Variants in ANKRD11 observed in about 807,000 individuals in gnomAD.
ANKRD11 encodes the protein ankyrin repeat domain-containing protein 11.
In ANKRD11, 17 loss-of-function variants were observed where a neutral mutation model predicts 195.7. The ratio of observed to expected loss-of-function variants is 0.09; its 90% CI spans 0.06 to 0.13. The LOEUF is 0.13. Ranked by LOEUF, ANKRD11 falls within the 10% of genes least tolerant of loss-of-function variation. ANKRD11 has a pLI of 1.00. For synonymous variants in ANKRD11, 1,953 were observed against 1,528.1 expected (o/e 1.28, Z -6.49); for missense variants, 3,735 against 3,566.1 (o/e 1.05, Z -1.21).
In ANKRD11 at chr16:89,380,238, G is replaced by A. The variant is rs147712339; in HGVS notation, c.-60+38046C>T. ...AGCAATTCTCCTGTCTCTGCCCCCC[G>A]AGTAGTTGGTATTACAGGCATGTGC... is the stretch of plus-strand genomic sequence containing the variant. On this transcript the variant is annotated intron_variant, in intron 2 of 12. Transcript: ENST00000301030. Among the ~76,000 whole-genome samples, 387 of 152,130 alleles carry A rather than the reference G, an allele frequency of 2.5e-3. 3 individuals carry two copies. Among genetic ancestry groups the A allele is most frequent in the African/African-American group, 8.6e-3 (356 of 41,498 alleles).
rs753640103 is a variant in ANKRD11, at chr16:89,280,293, G to A, written c.6249C>T (p.Pro2083=). The part of the protein sequence containing the change: ...PEAPLDVAPE[P]ACVAAVAQVE... Reference sequence around the variant, plus strand: ...CCTGAGCCACAGCGGCTACACAGGCGGGCTCGGGGGCCACGTCCAGCGGGG... The same window carrying A: ...CCTGAGCCACAGCGGCTACACAGGCAGGCTCGGGGGCCACGTCCAGCGGGG... Residue 2083 remains proline, a synonymous_variant, in exon 9 of 13, where the codon CCC becomes CCT. Transcript: ENST00000301030. 138 of 1,599,058 alleles carry A rather than the reference G, an allele frequency of 8.6e-5. 1 individual carries two copies. The highest frequency in any genetic ancestry group is 7.4e-4 in the South Asian group (67 of 90,406).
intron 1 of ANKRD11, among the ~76,000 whole-genome samples, chr16:89,457,854 T>A (rs1367485434): frequency 6.6e-6 from 1 of 152,164 alleles, no homozygotes; most frequent in Non-Finnish European, 1.5e-5. Context: ...ACTGAAGAAA[T>A]CCAGGTACAT....
intron 4 of ANKRD11, chr16:89,300,211 T>C (rs2035762714): frequency 4.4e-6 from 1 of 227,342 alleles, no homozygotes; most frequent in Non-Finnish European, 8.9e-6. Flanking sequence ...GTGGGGTGTG[T>C]GGGGTCTGTG....
intron 4 of ANKRD11, chr16:89,300,714 A>G (rs1400898880): frequency 1.9e-6 from 1 of 538,948 alleles, no homozygotes; most frequent in Non-Finnish European, 3.3e-6. Flanking sequence ...TGACGTCAGG[A>G]AAAGACTGAA....
intron 2 of ANKRD11, among the ~76,000 whole-genome samples, chr16:89,376,125 A>G (rs948666898): frequency 1.7e-4 from 26 of 152,354 alleles, no homozygotes; most frequent in African/African-American, 6.3e-4. Context: ...GCAGCTTTAA[A>G]ATTAATTCCC....
chr16:89,378,064 A>AATAT (rs2040496955), intron 2 of ANKRD11, among the ~76,000 whole-genome samples: 1 of 152,168 alleles, frequency 6.6e-6, no homozygotes, highest in African/African-American at 2.4e-5. Flanking sequence ...CGACATATAA[A>AATAT]ATATGAGGGG....
At chr16:89,470,833 A>G (rs1366397260) in intron 1 of ANKRD11, among the ~76,000 whole-genome samples, 1 of 152,104 alleles carries the variant, frequency 6.6e-6, no homozygotes, top group Non-Finnish European at 1.5e-5. Flanking sequence ...ACTAAAAAAT[A>G]CAAAAAAAAA....
rs143593873 is a variant in ANKRD11, at chr16:89,480,553, T to C, written c.-145+9692A>G. On this transcript the variant is annotated intron_variant, in intron 1 of 12. Coordinates refer to ENST00000301030, the MANE Select transcript of ANKRD11 (RefSeq NM_013275.6). ...AATTAGGTATCTATTAATATGTGCA[T>C]AGAAGTAACAGAAGATATAAAACAA... Among the ~76,000 whole-genome samples, 273 of 152,236 alleles carry C rather than the reference T, an allele frequency of 1.8e-3. 1 individual carries two copies. The highest frequency in any genetic ancestry group is 5.2e-3 in the African/African-American group (214 of 41,544).
chr16:89,403,438 G>A (rs942936901), intron 2 of ANKRD11, among the ~76,000 whole-genome samples: 5 of 152,070 alleles, frequency 3.3e-5, no homozygotes, highest in Admixed American at 6.5e-5. Context: ...CCCAAGTCCC[G>A]AGGAAGTTTC....
At chr16:89,341,866 C>T (rs995637730) in intron 2 of ANKRD11, among the ~76,000 whole-genome samples, 10 of 146,424 alleles carry the variant, frequency 6.8e-5, no homozygotes, top group South Asian at 2.1e-4. Flanking sequence ...CCACCCACAG[C>T]GGCCACGGCC....
chr16:89,347,118 T>C lies in ANKRD11; in HGVS notation c.-59-30040A>G, dbSNP rs182558530. ...GGGCTCCTAGGCCCGTGGAGGTGTC[T>C]CTCGTTGGTCCGGGCATCAGAGGAA... On this transcript the variant is annotated intron_variant, in intron 2 of 12. Transcript: ENST00000301030. Among the ~76,000 whole-genome samples the C allele has an allele frequency of 3.4e-4, 51 of 152,014 alleles. No homozygotes were observed. The East Asian group carries it at 7.0e-3, about 21-fold the overall frequency.
At chr16:89,390,719 C>A (rs1407931263) in intron 2 of ANKRD11, among the ~76,000 whole-genome samples, 3 of 152,032 alleles carry the variant, frequency 2.0e-5, no homozygotes, top group Admixed American at 6.6e-5. Context: ...GGCCAGCACC[C>A]GTAAGTCCTG....
At chr16:89,314,875 T>G (rs144868405) in intron 3 of ANKRD11, among the ~76,000 whole-genome samples, 1 of 152,122 alleles carries the variant, frequency 6.6e-6, no homozygotes, top group African/African-American at 2.4e-5. Context: ...GGATCCTCTG[T>G]GAAGCGCAGG....
intron 1 of ANKRD11, among the ~76,000 whole-genome samples, chr16:89,418,670 C>T (rs1274261548): frequency 6.6e-6 from 1 of 152,170 alleles, no homozygotes; most frequent in African/African-American, 2.4e-5. Context: ...ATTTTAGAGG[C>T]TCTGGGGCTT....
chr16:89,380,029 A>G (rs562658003), intron 2 of ANKRD11, among the ~76,000 whole-genome samples: 19 of 152,216 alleles, frequency 1.2e-4, no homozygotes, highest in Non-Finnish European at 2.2e-4. Context: ...CCAAGTATCA[A>G]TGGGTATATA....
intron 2 of ANKRD11, among the ~76,000 whole-genome samples, chr16:89,387,703 A>G (rs944428309): frequency 1.4e-4 from 19 of 140,474 alleles, no homozygotes; most frequent in African/African-American, 4.2e-4. Context: ...AAAAAAAAAA[A>G]AAAAAAAGAC....
intron 1 of ANKRD11, among the ~76,000 whole-genome samples, chr16:89,470,072 A>AG (rs2057023722): frequency 1.3e-5 from 2 of 150,268 alleles, no homozygotes; most frequent in African/African-American, 4.9e-5. Context: ...CGCCCGGCTA[A>AG]TTTTTTTGTA....
intron 1 of ANKRD11, among the ~76,000 whole-genome samples, chr16:89,479,874 C>T (rs1370076017): frequency 2.3e-4 from 33 of 146,420 alleles, no homozygotes; most frequent in Admixed American, 1.8e-3. Context: ...ACCTGGGAGT[C>T]GGAGCTTGCA....
intron 1 of ANKRD11, among the ~76,000 whole-genome samples, chr16:89,454,555 G>A (rs1307949794): frequency 6.6e-6 from 1 of 152,098 alleles, no homozygotes; most frequent in African/African-American, 2.4e-5. Flanking sequence ...CTATGAAAGC[G>A]GCTCTAGGCC....
Sources: gnomAD v4.1 joint callset for allele counts (sites outside exome capture counted in the v4.1 genomes callset) on GRCh38, gnomAD v4.1.1 for gene constraint, MANE v1.5 for transcripts, NCBI Gene and HGNC (gene_info 2026-07-23, HGNC 2026-07-21) for gene names.